Variants in SLC41A3 observed in about 807,000 individuals in gnomAD.
SLC41A3 encodes the protein solute carrier family 41 member 3, also known as SLC41A1-like 2.
In SLC41A3, 44 loss-of-function variants were observed where a neutral mutation model predicts 45.4. The observed-to-expected ratio is 0.97, with a 90% confidence interval of 0.76 to 1.25. SLC41A3 has a LOEUF of 1.25. Among genes scored for constraint, SLC41A3 ranks in the 50% most tolerant of loss-of-function variants. SLC41A3 has a pLI of 0.00. For synonymous variants in SLC41A3, 256 were observed against 252.4 expected, an observed-to-expected ratio of 1.01 and a Z score of -0.13; for missense variants, 550 against 600.6, an observed-to-expected ratio of 0.92 and a Z score of 0.88.
intron 2 of SLC41A3, among the ~76,000 whole-genome samples, chr3:126,058,807 C>A (rs1943833237): frequency 6.6e-6 from 1 of 152,162 alleles, no homozygotes. Flanking sequence ...TCATATGCTG[C>A]AGCTGCAGAC....
At chr3:126,060,089 A>G (rs993601776) in intron 2 of SLC41A3, among the ~76,000 whole-genome samples, 4 of 152,248 alleles carry the variant, frequency 2.6e-5, no homozygotes, top group Admixed American at 2.6e-4. Context: ...AAGTAGTTAC[A>G]AATCATTACA....
chr3:126,038,662 G>A (rs1942373390), intron 3 of SLC41A3, among the ~76,000 whole-genome samples: 2 of 152,208 alleles, frequency 1.3e-5, no homozygotes, highest in Non-Finnish European at 2.9e-5. Flanking sequence ...GAAGAAATGT[G>A]CACTCGGTTT....
intron 1 of SLC41A3, among the ~76,000 whole-genome samples, chr3:126,081,913 T>C (rs1018513300): frequency 1.3e-5 from 2 of 152,242 alleles, no homozygotes; most frequent in African/African-American, 4.8e-5. Flanking sequence ...GGCGCAGCCC[T>C]GATCCGTGAT....
intron 1 of SLC41A3, among the ~76,000 whole-genome samples, chr3:126,099,049 G>T (rs1472958529): frequency 6.6e-6 from 1 of 150,436 alleles, no homozygotes. Context: ...TTACGGACAT[G>T]AGCCACTGTG....
chr3:126,088,775 A>G (rs1418072006), upstream of SLC41A3, among the ~76,000 whole-genome samples: 1 of 152,224 alleles, frequency 6.6e-6, no homozygotes, highest in Non-Finnish European at 1.5e-5. Context: ...AGCTTCTTAA[A>G]AAAATGTATA....
intron 2 of SLC41A3, among the ~76,000 whole-genome samples, chr3:126,063,036 T>A (rs1944152398): frequency 1.3e-5 from 2 of 152,204 alleles, no homozygotes. Context: ...CACCCTGCAC[T>A]GTGCACCATC....
At chr3:126,095,501 G>C (rs1218385840) in intron 1 of SLC41A3, among the ~76,000 whole-genome samples, 6 of 152,174 alleles carry the variant, frequency 3.9e-5, no homozygotes, top group African/African-American at 7.2e-5. Context: ...CCTTCAACAA[G>C]GGCTGACACA....
At chr3:126,037,683 T>C (rs1942299987) in intron 3 of SLC41A3, among the ~76,000 whole-genome samples, 1 of 152,088 alleles carries the variant, frequency 6.6e-6, no homozygotes, top group Non-Finnish European at 1.5e-5. Flanking sequence ...AGTTGAAACT[T>C]ATATTTAAAA....
At chr3:126,093,613 G>A (rs574583427) in intron 1 of SLC41A3, among the ~76,000 whole-genome samples, 1 of 152,190 alleles carries the variant, frequency 6.6e-6, no homozygotes, top group Non-Finnish European at 1.5e-5. Flanking sequence ...ATTTAAAAGG[G>A]GTACAAATAC....
chr3:126,062,597 C>G (rs1944129443), intron 2 of SLC41A3, among the ~76,000 whole-genome samples: 1 of 152,214 alleles, frequency 6.6e-6, no homozygotes, highest in Admixed American at 6.5e-5. Context: ...GAGAGGGGGC[C>G]ATCACCCTAC....
At chr3:126,068,724 A>C (rs980922877) in intron 1 of SLC41A3, among the ~76,000 whole-genome samples, 2 of 152,158 alleles carry the variant, frequency 1.3e-5, no homozygotes, top group African/African-American at 4.8e-5. Context: ...GCTCTGCCCT[A>C]GCCTTGAAAA....
chr3:126,099,151 C>T (rs1945662046), intron 1 of SLC41A3, among the ~76,000 whole-genome samples: 1 of 152,010 alleles, frequency 6.6e-6, no homozygotes, highest in African/African-American at 2.4e-5. Flanking sequence ...GTGCAGAAGG[C>T]AACCCAGGAC....
chr3:126,053,590 G>A (rs1943477764), intron 2 of SLC41A3, among the ~76,000 whole-genome samples: 1 of 152,080 alleles, frequency 6.6e-6, no homozygotes, highest in Admixed American at 6.5e-5. Flanking sequence ...TTCTGGCACT[G>A]TCCTATCTCT....
chr3:126,027,469 C>T (rs953718894), intron 4 of SLC41A3, among the ~76,000 whole-genome samples: 1 of 152,144 alleles, frequency 6.6e-6, no homozygotes, highest in Non-Finnish European at 1.5e-5. Context: ...CCATGCTGTA[C>T]AGCCTGTGGA....
intron 1 of SLC41A3, among the ~76,000 whole-genome samples, chr3:126,075,743 T>C (rs1449731723): frequency 6.6e-6 from 1 of 152,136 alleles, no homozygotes; most frequent in Non-Finnish European, 1.5e-5. Context: ...GAGTAGTGTC[T>C]TCAATAAACG....
intron 1 of SLC41A3, among the ~76,000 whole-genome samples, chr3:126,071,562 C>T (rs141296889): frequency 6.6e-6 from 1 of 152,234 alleles, no homozygotes; most frequent in African/African-American, 2.4e-5. Context: ...CACATCTATA[C>T]AAAACACTCC....
chr3:126,014,618 C>T (rs779749660), intron 8 of SLC41A3, among the ~76,000 whole-genome samples: 3 of 152,208 alleles, frequency 2.0e-5, no homozygotes, highest in Non-Finnish European at 4.4e-5. Flanking sequence ...GGTGAGGACA[C>T]GCTGGGTGGC....
chr3:126,042,767 T>C (rs772285106), intron 3 of SLC41A3, among the ~76,000 whole-genome samples: 1 of 151,982 alleles, frequency 6.6e-6, no homozygotes, highest in Non-Finnish European at 1.5e-5. Flanking sequence ...AATTGAAAAA[T>C]TCTTTACAGA....
At chr3:126,017,261 C>G (rs1314970671) in intron 6 of SLC41A3, among the ~76,000 whole-genome samples, 1 of 152,230 alleles carries the variant, frequency 6.6e-6, no homozygotes, top group African/African-American at 2.4e-5. Context: ...TCTCGACAGC[C>G]CCTGCTTAGA....
Sources: allele counts gnomAD v4.1 joint callset (sites outside exome capture counted in the v4.1 genomes callset), GRCh38; gene constraint gnomAD v4.1.1; transcripts MANE v1.5; gene names NCBI Gene and HGNC (gene_info 2026-07-23, HGNC 2026-07-21).